CADM1: variants seen among roughly 807,000 people sequenced by gnomAD.
CADM1 encodes cell adhesion molecule 1.
Under a neutral mutation model 53.1 loss-of-function variants are expected in CADM1, and 15 were observed. The observed-to-expected ratio is 0.28, with a 90% CI of 0.19 to 0.44. The LOEUF is 0.44. CADM1 is among the 20% of genes least tolerant of loss of function. CADM1 has a pLI of 1.00. For missense variants in CADM1, 434 were observed against 611.3 expected (o/e 0.71, Z 3.06); for synonymous variants, 281 against 243.0 (o/e 1.16, Z -1.45).
chr11:115,171,604 G>C lies in CADM1; in HGVS notation c.*4870C>G, dbSNP rs1267982082. The C allele has an allele frequency of 6.6e-6, 1 of 152,194 alleles. No individual in the cohort carries two copies. The highest frequency in any genetic ancestry group is 1.5e-5 in the Non-Finnish European group (1 of 68,044). The allele number at this position is 152,194 out of a possible 1,614,324, so 9.4% of individuals were successfully genotyped here. A position where few individuals can be genotyped will look rare whatever the true frequency, so the allele number is the denominator to read the frequency against. On this transcript the variant is annotated 3_prime_UTR_variant, in exon 12 of 12. Coordinates refer to ENST00000331581, the MANE Select transcript of CADM1 (RefSeq NM_001301043.2). ...TATCAAGATCCTTTGAGCGGGGACG[G>C]CTTCTAGCACCTTCTCATTTGCATA... is the stretch of plus-strand genomic sequence containing the variant.
At chr11:115,423,730 T>C (rs976203497) in intron 1 of CADM1, among the ~76,000 whole-genome samples, 1 of 152,192 alleles carries the variant, frequency 6.6e-6, no homozygotes, top group Non-Finnish European at 1.5e-5. Context: ...AACACATACA[T>C]GTTTTACCAA....
chr11:115,340,656 A>ATTTTTTTTTTTTTT (rs1365807207), intron 1 of CADM1, among the ~76,000 whole-genome samples: 2 of 52,348 alleles, frequency 3.8e-5, no homozygotes, highest in African/African-American at 9.6e-5. Context: ...ATATATATAT[A>ATTTTTTTTTTTTTT]TATTTTTTTT....
intron 1 of CADM1, among the ~76,000 whole-genome samples, chr11:115,328,108 G>A (rs1945007412): frequency 6.6e-6 from 1 of 151,860 alleles, no homozygotes; most frequent in Admixed American, 6.6e-5. Context: ...AATTTTCCTA[G>A]CTGCTTAATC....
At chr11:115,495,760 C>T (rs1158954854) in intron 1 of CADM1, among the ~76,000 whole-genome samples, 1 of 152,130 alleles carries the variant, frequency 6.6e-6, no homozygotes, top group Non-Finnish European at 1.5e-5. Context: ...AAAGCACTTC[C>T]CTTCCATCTC....
chr11:115,258,835 T>C (rs1942874879), intron 1 of CADM1, among the ~76,000 whole-genome samples: 1 of 152,190 alleles, frequency 6.6e-6, no homozygotes, highest in Admixed American at 6.5e-5. Flanking sequence ...GGAAGAGTCC[T>C]ACTTTAGGGG....
chr11:115,498,386 C>T lies in CADM1; in HGVS notation c.124+5885G>A, dbSNP rs117523127. On this transcript the variant is annotated intron_variant, in intron 1 of 11. Coordinates refer to ENST00000331581, the MANE Select transcript of CADM1 (RefSeq NM_001301043.2). ...ATGGAGGCCTTTAAAGACAAATATA[C>T]GAATGGGGTATCTCATAGTCATCAA... is the stretch of plus-strand genomic sequence containing the variant. 2.7e-3 allele frequency among the ~76,000 whole-genome samples: 412 copies of T among 152,278 alleles called. 1 individual carries two copies. The highest frequency in any genetic ancestry group is 6.8e-3 in the Middle Eastern group (2 of 294).
intron 10 of CADM1, among the ~76,000 whole-genome samples, chr11:115,185,169 C>T (rs983065523): frequency 8.5e-5 from 13 of 152,182 alleles, no homozygotes; most frequent in African/African-American, 3.1e-4. Flanking sequence ...ATCATAGGGA[C>T]CTGGTGTTTG....
At chr11:115,241,770 C>T (rs1487976954) in intron 1 of CADM1, among the ~76,000 whole-genome samples, 2 of 151,794 alleles carry the variant, frequency 1.3e-5, no homozygotes, top group African/African-American at 4.8e-5. Context: ...AAGGCTCCTG[C>T]TCTCAAGGAC....
At chr11:115,341,455 A>G (rs562953360) in intron 1 of CADM1, among the ~76,000 whole-genome samples, 3 of 152,222 alleles carry the variant, frequency 2.0e-5, no homozygotes, top group Non-Finnish European at 2.9e-5. Flanking sequence ...AGAATATAAA[A>G]TAAACCACAA....
chr11:115,384,981 T>C (rs188343231), intron 1 of CADM1, among the ~76,000 whole-genome samples: 1 of 152,280 alleles, frequency 6.6e-6, no homozygotes, highest in Non-Finnish European at 1.5e-5. Flanking sequence ...CATCCATCTT[T>C]CTTAACATTC....
At chr11:115,198,563 ACAAG>A in intron 8 of CADM1, 125 bp from the exon 9 acceptor site, 1 of 718,566 alleles carries the variant, frequency 1.4e-6, no homozygotes, top group Non-Finnish European at 2.4e-6. Flanking sequence ...ACATCGCGTG[ACAAG>A]CAATAATAAA....
intron 1 of CADM1, among the ~76,000 whole-genome samples, chr11:115,323,876 G>A: frequency 6.9e-6 from 1 of 145,556 alleles, no homozygotes; most frequent in African/African-American, 2.6e-5. Flanking sequence ...TTTAAGAGGA[G>A]AGATACGAAA....
intron 1 of CADM1, among the ~76,000 whole-genome samples, chr11:115,311,131 A>G (rs746846704): frequency 6.6e-5 from 10 of 152,208 alleles, no homozygotes; most frequent in South Asian, 4.1e-4. Flanking sequence ...ACTTTCCCTG[A>G]GTTCTAGTCA....
At chr11:115,268,085 G>T (rs1356444425) in intron 1 of CADM1, among the ~76,000 whole-genome samples, 2 of 152,176 alleles carry the variant, frequency 1.3e-5, no homozygotes, top group Non-Finnish European at 2.9e-5. Flanking sequence ...ACGAAGAATT[G>T]TTTTTCCAGT....
chr11:115,229,334 T>C, intron 4 of CADM1, 63 bp from the exon 5 acceptor site: 1 of 1,490,542 alleles, frequency 6.7e-7, no homozygotes, highest in Middle Eastern at 1.7e-4. Flanking sequence ...TTTGTTTTTA[T>C]GTCCTCCCCT....
intron 1 of CADM1, among the ~76,000 whole-genome samples, chr11:115,459,836 A>C (rs1948757206): frequency 6.6e-6 from 1 of 152,192 alleles, no homozygotes; most frequent in South Asian, 2.1e-4. Flanking sequence ...GGGTTCAATA[A>C]ATTTTAAAAA....
intron 1 of CADM1, among the ~76,000 whole-genome samples, chr11:115,315,975 G>A (rs1245312000): frequency 2.6e-5 from 4 of 152,070 alleles, no homozygotes; most frequent in African/African-American, 9.7e-5. Flanking sequence ...TCCCGGTGTT[G>A]GTTTAATATG....
chr11:115,452,746 T>C (rs1022412922), intron 1 of CADM1, among the ~76,000 whole-genome samples: 4 of 152,204 alleles, frequency 2.6e-5, no homozygotes, highest in African/African-American at 9.7e-5. Context: ...CTAGGCTCTG[T>C]GCATATGTAA....
At chr11:115,455,305 G>A (rs1049878381) in intron 1 of CADM1, among the ~76,000 whole-genome samples, 11 of 151,644 alleles carry the variant, frequency 7.3e-5, no homozygotes, top group African/African-American at 2.7e-4. Context: ...TATTTCTTTG[G>A]ATGTCTTCAG....
Sources: allele counts gnomAD v4.1 joint callset (sites outside exome capture counted in the v4.1 genomes callset), GRCh38; gene constraint gnomAD v4.1.1; transcripts MANE v1.5; gene names NCBI Gene and HGNC (gene_info 2026-07-23, HGNC 2026-07-21).